TECPR2: variants seen among roughly 807,000 people sequenced by gnomAD.
TECPR2 encodes tectonin beta-propeller repeat containing 2, also known as tectonin beta-propeller repeat-containing protein 2.
TECPR2 carries 65 observed loss-of-function variants against 138.1 expected under a neutral mutation model. That is an observed-to-expected ratio of 0.47 (90% CI 0.39 to 0.58). TECPR2 has a LOEUF of 0.58. Ranked by LOEUF, TECPR2 falls within the 20% of genes least tolerant of loss-of-function variation. The pLI is 0.00. For missense variants in TECPR2, 1,553 were observed against 1,824.5 expected (o/e 0.85, Z 2.71); for synonymous variants, 746 against 749.8 (o/e 0.99, Z 0.08).
intron 2 of TECPR2, among the ~76,000 whole-genome samples, chr14:102,393,035 G>C (rs1438259771): frequency 6.6e-6 from 1 of 152,130 alleles, no homozygotes; most frequent in Non-Finnish European, 1.5e-5. Flanking sequence ...TTAGGTCCTT[G>C]GGATTCTGGC....
rs749351336 is a variant in TECPR2, at chr14:102,434,617, G to A, written c.1800G>A (p.Glu600=). Residue 600 remains glutamate, a synonymous_variant, in exon 9 of 20, where the codon GAG becomes GAA. Transcript: ENST00000359520. The part of the protein sequence containing the change: ...GGSDVTGLGD[E]PCPADDGPNS... ...GTGATGTCACGGGACTCGGAGATGA[G>A]CCGTGTCCTGCAGATGATGGACCAA... is the stretch of plus-strand genomic sequence containing the variant. The A allele has an allele frequency of 1.3e-6, 2 of 1,582,892 alleles. No homozygotes were observed. The highest frequency in any genetic ancestry group is 2.2e-5 in the East Asian group (1 of 44,480).
intron 2 of TECPR2, among the ~76,000 whole-genome samples, chr14:102,377,322 TTTTTG>T (rs1887668094): frequency 6.6e-6 from 1 of 152,116 alleles, no homozygotes; most frequent in Non-Finnish European, 1.5e-5. Context: ...ACCCAGCTAG[TTTTTG>T]TTTTGTTTTG....
intron 2 of TECPR2, among the ~76,000 whole-genome samples, chr14:102,401,451 A>AC (rs1434738882): frequency 2.6e-5 from 4 of 151,146 alleles, no homozygotes; most frequent in African/African-American, 9.7e-5. Flanking sequence ...AAAAAAAAAA[A>AC]AAAAACAAAA....
chr14:102,440,591 G>T lies in TECPR2; in HGVS notation c.2734G>T (p.Asp912Tyr). 3 of 1,613,754 alleles carry T rather than the reference G, an allele frequency of 1.9e-6. No individual in the cohort carries two copies. Among genetic ancestry groups the T allele is most frequent in the Non-Finnish European group, 2.5e-6 (3 of 1,179,876 alleles). Residue 912 changes from aspartate (D) to tyrosine (Y), a missense_variant, in exon 11 of 20, where the codon GAC becomes TAC. Physicochemically the swap from Asp to Tyr is radical, Grantham distance 160 (BLOSUM62 -3). Transcript: ENST00000359520. ...DTAWIIRTSG[D>Y]LYLQTGLSVD... ...GGCCTGGATCATCAGGACCAGTGGGGACCTATACTTGCAGACAGGTAACCG... is the reference window on the plus strand; with the variant it reads ...GGCCTGGATCATCAGGACCAGTGGGTACCTATACTTGCAGACAGGTAACCG...
At chr14:102,493,029 C>T (rs750372634) in intron 17 of TECPR2, among the ~76,000 whole-genome samples, 3 of 152,266 alleles carry the variant, frequency 2.0e-5, no homozygotes, top group Non-Finnish European at 4.4e-5. Context: ...CCGCCTGCCA[C>T]CGTGCTGCTT....
At chr14:102,370,212 C>T (rs553125895) in intron 1 of TECPR2, among the ~76,000 whole-genome samples, 2 of 152,098 alleles carry the variant, frequency 1.3e-5, no homozygotes, top group East Asian at 1.9e-4. Context: ...GCTGAGATTA[C>T]GGGCACCTCC....
chr14:102,389,328 T>C (rs1888104197), intron 2 of TECPR2, among the ~76,000 whole-genome samples: 1 of 151,912 alleles, frequency 6.6e-6, no homozygotes, highest in African/African-American at 2.4e-5. Flanking sequence ...TCTGTCTTAA[T>C]AAATACATAA....
chr14:102,465,795 C>A, intron 17 of TECPR2: 1 of 262,034 alleles, frequency 3.8e-6, no homozygotes, highest in Non-Finnish European at 5.9e-6. Context: ...AACACAGAGT[C>A]TGTGTTCTCC....
chr14:102,374,535 A>G (rs956013018), intron 1 of TECPR2, among the ~76,000 whole-genome samples: 3 of 151,998 alleles, frequency 2.0e-5, no homozygotes, highest in Non-Finnish European at 2.9e-5. Context: ...GCTGAGGAGG[A>G]AGGATCACTT....
At chr14:102,369,279 G>A (rs575638906) in intron 1 of TECPR2, among the ~76,000 whole-genome samples, 2 of 152,306 alleles carry the variant, frequency 1.3e-5, no homozygotes, top group African/African-American at 4.8e-5. Flanking sequence ...TGTAGAGCCT[G>A]CGAGCTGTCA....
chr14:102,367,116 C>G (rs1887364019), intron 1 of TECPR2, among the ~76,000 whole-genome samples: 1 of 152,138 alleles, frequency 6.6e-6, no homozygotes. Context: ...CTGCAAAGGG[C>G]TTAGACCACA....
intron 1 of TECPR2, among the ~76,000 whole-genome samples, chr14:102,364,046 T>A (rs372341571): frequency 1.1e-3 from 170 of 152,370 alleles, no homozygotes; most frequent in African/African-American, 3.9e-3. Context: ...CTGTGACTTA[T>A]GTTCCATGTG....
intron 2 of TECPR2, among the ~76,000 whole-genome samples, chr14:102,378,169 A>G (rs1887692026): frequency 1.3e-5 from 2 of 152,106 alleles, no homozygotes; most frequent in Non-Finnish European, 2.9e-5. Context: ...ATGGGACTCT[A>G]TTCTGTCTGT....
Position 102,497,985 on chromosome 14 carries a change from A to C in TECPR2, c.4082-118A>C, listed in dbSNP as rs1295329124. 4.3e-6 allele frequency: 6 copies of C among 1,382,932 alleles called. No homozygotes were observed. In the Admixed American group the frequency reaches 1.1e-4, roughly 26 times the overall value. The allele number at this position is 1,382,932 out of a possible 1,614,324, so 85.7% of individuals were successfully genotyped here. The stretch of plus-strand genomic sequence containing the variant: ...TTCACATGGAGATGGTGGCTTGTCC[A>C]GTGTCCCCCACCTAGAATGTGGCAA... On this transcript the variant is annotated intron_variant, in intron 19 of 19. Transcript: ENST00000359520.
chr14:102,469,960 A>G (rs1395226560), intron 17 of TECPR2, among the ~76,000 whole-genome samples: 1 of 152,042 alleles, frequency 6.6e-6, no homozygotes, highest in Non-Finnish European at 1.5e-5. Context: ...ATGATGTGAA[A>G]TCCTTTGTAT....
chr14:102,418,191 C>T (rs1479790344), intron 5 of TECPR2, among the ~76,000 whole-genome samples: 1 of 152,176 alleles, frequency 6.6e-6, no homozygotes, highest in Non-Finnish European at 1.5e-5. Flanking sequence ...ACAGGTGACA[C>T]TGACACCCTG....
In TECPR2 at chr14:102,445,570, A is replaced by G. The variant is rs1190552; in HGVS notation, c.2934-236A>G. On this transcript the variant is annotated intron_variant, in intron 12 of 19. Transcript: ENST00000359520. ...TATTTTCTCTCTTAAGAGTGTTCCCAGCCATTCTGGGTCATCAGTGTGTCT... is the reference window on the plus strand; with the variant it reads ...TATTTTCTCTCTTAAGAGTGTTCCCGGCCATTCTGGGTCATCAGTGTGTCT... 0.73 allele frequency among the ~76,000 whole-genome samples: 111,375 copies of G among 151,814 alleles called. 41,264 individuals are homozygous for G. Among genetic ancestry groups the G allele is most frequent in the Middle Eastern group, 0.78 (228 of 294 alleles).
At chr14:102,406,198 A>T (rs1017696396) in intron 2 of TECPR2, among the ~76,000 whole-genome samples, 1 of 152,188 alleles carries the variant, frequency 6.6e-6, no homozygotes, top group Non-Finnish European at 1.5e-5. Flanking sequence ...ACTGAAATGT[A>T]TACTTTAAAA....
rs571016344 is a variant in TECPR2 at position 102,502,235 on chromosome 14, G to A, written c.*3978G>A. ...AATCAGAGGGAGAAAGGGAGAGAAG[G>A]GGGAGGGAGACAACCCAAACGTTGG... On this transcript the variant is annotated 3_prime_UTR_variant, in exon 20 of 20. Transcript: ENST00000359520. 3.3e-5 allele frequency: 5 copies of A among 152,698 alleles called. No homozygotes were observed. Among genetic ancestry groups the A allele is most frequent in the African/African-American group, 1.2e-4 (5 of 41,588 alleles). 9.5% of individuals were successfully genotyped at this position (152,698 alleles called of 1,614,324 possible). A position where few individuals can be genotyped will look rare whatever the true frequency, so the allele number is the denominator to read the frequency against.
Sources: gnomAD v4.1 joint callset for allele counts (sites outside exome capture counted in the v4.1 genomes callset) on GRCh38, gnomAD v4.1.1 for gene constraint, MANE v1.5 for transcripts, NCBI Gene and HGNC (gene_info 2026-07-23, HGNC 2026-07-21) for gene names.